The following FHOD3 variants were observed in gnomAD, a reference collection of about 807,000 sequenced individuals.
FHOD3 encodes FH1/FH2 domain-containing protein 3.
A neutral mutation model predicts 173.0 loss-of-function variants in FHOD3; 90 were observed. The observed-to-expected ratio is 0.52, with a 90% CI of 0.44 to 0.62. The LOEUF is 0.62. Ranked by LOEUF, FHOD3 falls within the 20% of genes least tolerant of loss-of-function variation. The probability of loss-of-function intolerance (pLI) is 0.00; values close to 1 mark genes in which losing one functional copy is unlikely to be tolerated. For missense variants in FHOD3, 1,945 were observed against 2,034.7 expected (o/e 0.96, Z 0.85); for synonymous variants, 828 against 823.0 (o/e 1.01, Z -0.10).
intron 24 of FHOD3, among the ~76,000 whole-genome samples, chr18:36,748,364 GCACACACACACACACACAACACACA>G (rs972131305): frequency 1.2e-4 from 17 of 140,724 alleles, no homozygotes; most frequent in Non-Finnish European, 2.5e-4. Flanking sequence ...ACACGCACGC[GCACACACACACACACACAACACACA>G]CACACACACA....
In FHOD3 at chr18:36,718,772, T is replaced by A; in HGVS notation, c.3417+57T>A. On this transcript the variant is annotated intron_variant, in intron 19 of 28. Transcript: ENST00000590592. ...GGAAGTTGGGTAGGGCTGAAGAGAT[T>A]CGTTCTGTATAAAATACTATTTTGC... 2.6e-6 allele frequency: 4 copies of A among 1,549,056 alleles called. 1 individual carries two copies. In the South Asian group the frequency reaches 5.0e-5, roughly 19 times the overall value.
intron 1 of FHOD3, among the ~76,000 whole-genome samples, chr18:36,343,947 G>A (rs1169987090): frequency 6.6e-6 from 1 of 152,190 alleles, no homozygotes; most frequent in Admixed American, 6.5e-5. Flanking sequence ...AATGAGGAGT[G>A]ACTGCTAATG....
chr18:36,553,259 G>A (rs931071187), intron 5 of FHOD3, among the ~76,000 whole-genome samples: 60 of 152,322 alleles, frequency 3.9e-4, no homozygotes, highest in Admixed American at 4.6e-4. Context: ...ATGTTCATCA[G>A]GGATATTGGT....
intron 3 of FHOD3, among the ~76,000 whole-genome samples, chr18:36,466,070 C>G (rs372564293): frequency 5.3e-5 from 8 of 152,264 alleles, no homozygotes; most frequent in Admixed American, 1.3e-4. Flanking sequence ...ATACAAATCT[C>G]ATGTGATCCT....
chr18:36,658,376 A>G (rs1185476169), intron 14 of FHOD3, among the ~76,000 whole-genome samples, 188 bp downstream of exon 14: 1 of 152,242 alleles, frequency 6.6e-6, no homozygotes, highest in Non-Finnish European at 1.5e-5. Flanking sequence ...ATATTTTATT[A>G]GAGGTGATAT....
intron 1 of FHOD3, among the ~76,000 whole-genome samples, chr18:36,312,687 G>A (rs1482090766): frequency 6.6e-6 from 1 of 152,178 alleles, no homozygotes; most frequent in Non-Finnish European, 1.5e-5. Flanking sequence ...ATGGCATATG[G>A]AAAGTGCTCA....
chr18:36,714,274 C>A (rs560202982), intron 18 of FHOD3, among the ~76,000 whole-genome samples: 43 of 152,248 alleles, frequency 2.8e-4, no homozygotes, highest in African/African-American at 1.0e-3. Context: ...TGGTGGCTCA[C>A]ACATGTATTC....
intron 14 of FHOD3, among the ~76,000 whole-genome samples, chr18:36,665,177 A>G (rs1238347549): frequency 1.3e-5 from 2 of 152,220 alleles, no homozygotes; most frequent in Non-Finnish European, 2.9e-5. Flanking sequence ...CCCAGTAATG[A>G]GGACTAAATA....
chr18:36,461,401 A>G (rs983984349), intron 3 of FHOD3, among the ~76,000 whole-genome samples: 3 of 150,656 alleles, frequency 2.0e-5, no homozygotes, highest in Non-Finnish European at 3.0e-5. Flanking sequence ...GTTTTTTACT[A>G]TCTGTGAAGG....
intron 3 of FHOD3, among the ~76,000 whole-genome samples, chr18:36,387,201 G>A (rs2048076904): frequency 6.6e-6 from 1 of 152,042 alleles, no homozygotes; most frequent in Non-Finnish European, 1.5e-5. Flanking sequence ...GGAGATGGTG[G>A]GTTAGGGAGA....
chr18:36,729,523 G>A (rs1223487047), intron 19 of FHOD3, among the ~76,000 whole-genome samples: 1 of 152,310 alleles, frequency 6.6e-6, no homozygotes, highest in South Asian at 2.1e-4. Context: ...TGGAGGCTGG[G>A]AACTCCAGAT....
chr18:36,459,511 C>T (rs1292393251), intron 3 of FHOD3, among the ~76,000 whole-genome samples: 6 of 152,002 alleles, frequency 3.9e-5, no homozygotes, highest in South Asian at 4.2e-4. Flanking sequence ...CTTCATTATG[C>T]GGTGTGGTGA....
intron 28 of FHOD3, among the ~76,000 whole-genome samples, chr18:36,777,272 G>A (rs1042017193): frequency 4.8e-5 from 7 of 145,162 alleles, no homozygotes; most frequent in Non-Finnish European, 7.4e-5. Context: ...GCACCATCTC[G>A]GCTCACCGCA....
At chr18:36,386,395 G>A (rs142301043) in intron 3 of FHOD3, among the ~76,000 whole-genome samples, 240 of 152,272 alleles carry the variant, frequency 1.6e-3, no homozygotes, top group African/African-American at 5.6e-3. Flanking sequence ...AGCGGCTCAG[G>A]GGCCTCAGAG....
chr18:36,309,597 C>T (rs1340322614), intron 1 of FHOD3, among the ~76,000 whole-genome samples: 5 of 152,298 alleles, frequency 3.3e-5, no homozygotes, highest in Non-Finnish European at 5.9e-5. Flanking sequence ...CACCAGACAC[C>T]GGCAGTCCGG....
chr18:36,766,736 G>C (rs2043155076), intron 27 of FHOD3, among the ~76,000 whole-genome samples: 1 of 152,162 alleles, frequency 6.6e-6, no homozygotes, highest in African/African-American at 2.4e-5. Context: ...AGCATCTCCT[G>C]ACACATTACA....
At chr18:36,538,807 A>C (rs1313499548) in intron 5 of FHOD3, among the ~76,000 whole-genome samples, 2 of 152,200 alleles carry the variant, frequency 1.3e-5, no homozygotes, top group African/African-American at 2.4e-5. Flanking sequence ...AAGGAATAGC[A>C]TGAGAGTGTT....
At position 36,396,291 on chromosome 18, in the gene FHOD3, G is replaced by A. The variant is rs191218841; in HGVS notation, c.337+23547G>A. 4.3e-3 allele frequency among the ~76,000 whole-genome samples: 658 copies of A among 152,192 alleles called. 11 individuals are homozygous for A. The highest frequency in any genetic ancestry group is 5.3e-3 in the Non-Finnish European group (359 of 68,000). On this transcript the variant is annotated intron_variant, in intron 3 of 28. Coordinates refer to ENST00000590592, the MANE Select transcript of FHOD3 (RefSeq NM_001281740.3). Reference sequence around the variant, plus strand: ...TTTCAAATTATATATAAAATTTTAGGAAAGTTTTCTTATAGTTTTCAATAT... The same window carrying A: ...TTTCAAATTATATATAAAATTTTAGAAAAGTTTTCTTATAGTTTTCAATAT...
intron 14 of FHOD3, among the ~76,000 whole-genome samples, chr18:36,662,349 C>T (rs1274274677): frequency 6.6e-6 from 1 of 152,126 alleles, no homozygotes; most frequent in Non-Finnish European, 1.5e-5. Context: ...ACTGTGAGTG[C>T]TCAGTGGGAA....
Sources: allele counts gnomAD v4.1 joint callset (sites outside exome capture counted in the v4.1 genomes callset), GRCh38; gene constraint gnomAD v4.1.1; transcripts MANE v1.5; gene names NCBI Gene and HGNC (gene_info 2026-07-23, HGNC 2026-07-21).